Variants in TOX observed in about 807,000 individuals in gnomAD.
The protein encoded by TOX is thymocyte selection associated high mobility group box, also known as thymocyte selection-associated high mobility group box protein TOX.
A neutral mutation model predicts 53.7 loss-of-function variants in TOX; 11 were observed. The ratio of observed to expected loss-of-function variants is 0.20; its 90% CI spans 0.13 to 0.34. The LOEUF (loss-of-function observed/expected upper bound fraction) is 0.34. Among genes scored for constraint, TOX ranks in the 10% least tolerant of loss-of-function variants. The probability of loss-of-function intolerance (pLI) is 1.00; values close to 1 mark genes in which losing one functional copy is unlikely to be tolerated. For synonymous variants in TOX, 225 were observed against 245.3 expected (o/e 0.92, Z 0.77); for missense variants, 570 against 664.6 (o/e 0.86, Z 1.56).
chr8:58,914,171 A>G (rs541036937), intron 3 of TOX, among the ~76,000 whole-genome samples: 1 of 152,358 alleles, frequency 6.6e-6, no homozygotes, highest in South Asian at 2.1e-4. Flanking sequence ...TGATGGGAAG[A>G]ACCCAAAGAG....
chr8:59,058,681 T>C (rs1039841377), intron 1 of TOX, among the ~76,000 whole-genome samples: 4 of 152,084 alleles, frequency 2.6e-5, no homozygotes, highest in Admixed American at 2.6e-4. Flanking sequence ...CTATGATGAG[T>C]TGTGCGCTCC....
chr8:58,936,117 C>T lies in TOX; in HGVS notation c.411+3185G>A, dbSNP rs149374864. ...AATACTTTTGCCCTTGAGTAAAAAC[C>T]ACCAGCGATTGCTTCTAACCTGTCC... On this transcript the variant is annotated intron_variant, in intron 3 of 8. Transcript: ENST00000361421. 5.9e-3 allele frequency among the ~76,000 whole-genome samples: 897 copies of T among 152,266 alleles called. 9 individuals are homozygous for T. Among genetic ancestry groups the T allele is most frequent in the African/African-American group, 0.02 (839 of 41,546 alleles).
At chr8:58,920,880 G>A (rs1812061625) in intron 3 of TOX, among the ~76,000 whole-genome samples, 1 of 151,638 alleles carries the variant, frequency 6.6e-6, no homozygotes, top group South Asian at 2.1e-4. Context: ...TTAGAACTAA[G>A]AAAAAAATTA....
Position 59,069,334 on chromosome 8 carries a change from T to A in TOX, c.102+49552A>T, listed in dbSNP as rs930983753. 2.0e-5 allele frequency among the ~76,000 whole-genome samples: 3 copies of A among 152,176 alleles called. No homozygotes were observed. The South Asian group carries it at 6.2e-4, about 32-fold the overall frequency. On this transcript the variant is annotated intron_variant, in intron 1 of 8. Coordinates refer to ENST00000361421, the MANE Select transcript of TOX (RefSeq NM_014729.3). ...GGGGTCGCCAGGTAATTTGGTACAATCCTCCACATTAGAGATTACAGTAGG... is the reference window on the plus strand; with the variant it reads ...GGGGTCGCCAGGTAATTTGGTACAAACCTCCACATTAGAGATTACAGTAGG...
chr8:58,852,942 C>G (rs1375188), intron 3 of TOX, among the ~76,000 whole-genome samples: 48,488 of 152,066 alleles, frequency 0.32, 7,907 homozygotes, highest in Middle Eastern at 0.35. Context: ...CGTGAAAATA[C>G]TGTGAAGGCA....
intron 7 of TOX, among the ~76,000 whole-genome samples, chr8:58,808,954 CAAT>C (rs1305093975): frequency 2.0e-5 from 3 of 152,146 alleles, no homozygotes; most frequent in African/African-American, 7.2e-5. Context: ...AACTGGCAAA[CAAT>C]AATCAGACTT....
intron 3 of TOX, among the ~76,000 whole-genome samples, chr8:58,890,593 G>C (rs112182842): frequency 1.5e-3 from 233 of 152,300 alleles, no homozygotes; most frequent in South Asian, 3.9e-3. Flanking sequence ...AAGGGCAACA[G>C]TGTCATATAA....
At chr8:59,042,900 G>C (rs1475815986) in intron 1 of TOX, among the ~76,000 whole-genome samples, 1 of 151,838 alleles carries the variant, frequency 6.6e-6, no homozygotes, top group Non-Finnish European at 1.5e-5. Context: ...GACTGATCAA[G>C]TTGATCAACA....
At chr8:58,871,345 G>C (rs562287480) in intron 3 of TOX, among the ~76,000 whole-genome samples, 17 of 152,140 alleles carry the variant, frequency 1.1e-4, no homozygotes, top group African/African-American at 4.1e-4. Flanking sequence ...AGGAAAGTAG[G>C]CATTTATCAA....
At chr8:58,967,380 G>A (rs551314905) in intron 1 of TOX, among the ~76,000 whole-genome samples, 1 of 152,254 alleles carries the variant, frequency 6.6e-6, no homozygotes, top group African/African-American at 2.4e-5. Flanking sequence ...AGGGAGTCCA[G>A]TAACTTGTCT....
At chr8:58,869,154 G>C (rs1422406025) in intron 3 of TOX, among the ~76,000 whole-genome samples, 1 of 150,170 alleles carries the variant, frequency 6.7e-6, no homozygotes, top group East Asian at 2.0e-4. Flanking sequence ...TTGAACCCGG[G>C]AGGCAGAGGT....
chr8:59,044,194 G>T, intron 1 of TOX, among the ~76,000 whole-genome samples: 1 of 108,700 alleles, frequency 9.2e-6, no homozygotes, highest in Admixed American at 1.1e-4. Flanking sequence ...GCTTCAGAAG[G>T]AAAAAAAATT....
chr8:58,928,241 T>C (rs1812197810), intron 3 of TOX, among the ~76,000 whole-genome samples: 1 of 152,232 alleles, frequency 6.6e-6, no homozygotes, highest in African/African-American at 2.4e-5. Flanking sequence ...GAGCGCCCGC[T>C]ATTAGCTGGG....
At chr8:58,930,578 G>A (rs188075938) in intron 3 of TOX, among the ~76,000 whole-genome samples, 1 of 152,286 alleles carries the variant, frequency 6.6e-6, no homozygotes, top group African/African-American at 2.4e-5. Flanking sequence ...CAAGGTAGGA[G>A]AGGGAGGACA....
intron 3 of TOX, among the ~76,000 whole-genome samples, chr8:58,862,300 C>T (rs1268039316): frequency 1.3e-5 from 2 of 151,980 alleles, no homozygotes; most frequent in African/African-American, 4.8e-5. Flanking sequence ...TATTTGTCTG[C>T]CAAAATTTTA....
At chr8:58,966,410 G>A (rs1243536093) in intron 1 of TOX, among the ~76,000 whole-genome samples, 1 of 152,154 alleles carries the variant, frequency 6.6e-6, no homozygotes, top group Non-Finnish European at 1.5e-5. Context: ...GCTGAACTAG[G>A]GAAGAGCAAT....
intron 4 of TOX, among the ~76,000 whole-genome samples, chr8:58,843,576 T>C (rs922245886): frequency 3.3e-5 from 5 of 152,220 alleles, no homozygotes; most frequent in African/African-American, 9.6e-5. Flanking sequence ...ATCTTTGCTC[T>C]TTATAAATGC....
At chr8:59,031,601 G>GAAGA (rs1468588247) in intron 1 of TOX, among the ~76,000 whole-genome samples, 1 of 152,214 alleles carries the variant, frequency 6.6e-6, no homozygotes. Flanking sequence ...ACAGATCTAT[G>GAAGA]AAGAAAGCAA....
intron 7 of TOX, chr8:58,814,471 G>C (rs1348437523): frequency 6.6e-6 from 1 of 152,154 alleles, no homozygotes; most frequent in Non-Finnish European, 1.5e-5. Flanking sequence ...GTCATGGCAG[G>C]GTAGTGGGAG....
Sources: gnomAD v4.1 joint callset for allele counts (sites outside exome capture counted in the v4.1 genomes callset) on GRCh38, gnomAD v4.1.1 for gene constraint, MANE v1.5 for transcripts, NCBI Gene and HGNC (gene_info 2026-07-23, HGNC 2026-07-21) for gene names.